TASP1: variants seen among roughly 807,000 people sequenced by gnomAD.
TASP1 encodes threonine aspartase 1.
In TASP1, 16 loss-of-function variants were observed where a neutral mutation model predicts 56.6. The observed-to-expected ratio is 0.28, with a 90% CI of 0.19 to 0.43. TASP1 has a LOEUF of 0.43. TASP1 is among the 20% of genes least tolerant of loss of function. The pLI, the probability that TASP1 is intolerant of heterozygous loss-of-function variation, is 1.00. For synonymous variants in TASP1, 179 were observed against 184.2 expected, an observed-to-expected ratio of 0.97 and a Z score of 0.23; for missense variants, 393 against 511.6, an observed-to-expected ratio of 0.77 and a Z score of 2.24.
At chr20:13,121,127 T>C in the TASP1 span, among the ~76,000 whole-genome samples, 1 of 152,298 alleles carries the variant, frequency 6.6e-6, no homozygotes. Context: ...CCCCAAACTT[T>C]TCCCCAGGCA....
intron 6 of TASP1, among the ~76,000 whole-genome samples, chr20:13,575,025 A>G (rs2046847688): frequency 6.6e-6 from 1 of 152,214 alleles, no homozygotes; most frequent in African/African-American, 2.4e-5. Flanking sequence ...CAAGAAAACT[A>G]TAAACCAGTA....
chr20:13,200,321 G>A, the TASP1 span, among the ~76,000 whole-genome samples: 3 of 152,202 alleles, frequency 2.0e-5, no homozygotes, highest in Admixed American at 6.5e-5. Context: ...AAAGGGACCT[G>A]TCCCTTTGAA....
intron 8 of TASP1, among the ~76,000 whole-genome samples, chr20:13,558,313 T>C (rs73268957): frequency 8.1e-4 from 123 of 152,326 alleles, no homozygotes; most frequent in African/African-American, 2.8e-3. Flanking sequence ...GTTGTAGTTT[T>C]CAATTTCTTT....
At chr20:13,237,212 T>G in the TASP1 span, among the ~76,000 whole-genome samples, 3 of 152,330 alleles carry the variant, frequency 2.0e-5, no homozygotes, top group South Asian at 6.2e-4. Flanking sequence ...CATATCAACA[T>G]GCCCTTGGCC....
chr20:13,493,392 C>G (rs1340885255), intron 10 of TASP1, among the ~76,000 whole-genome samples: 2 of 152,296 alleles, frequency 1.3e-5, no homozygotes, highest in Middle Eastern at 3.4e-3. Flanking sequence ...GCTGCCAGCA[C>G]AGCAAAGACA....
the TASP1 span, among the ~76,000 whole-genome samples, chr20:13,248,882 G>A: frequency 6.6e-6 from 1 of 152,208 alleles, no homozygotes; most frequent in Non-Finnish European, 1.5e-5. Flanking sequence ...GGGACAAATG[G>A]AAAGCAAGGT....
intron 4 of TASP1, among the ~76,000 whole-genome samples, chr20:13,587,776 CATGAGAAA>C (rs1601351488): frequency 6.6e-6 from 1 of 151,358 alleles, no homozygotes; most frequent in East Asian, 1.9e-4. Context: ...AACACCCTTT[CATGAGAAA>C]AACAGAAAAC....
chr20:13,393,086 G>T (rs1252458454), intron 13 of TASP1: 10 of 616,270 alleles, frequency 1.6e-5, no homozygotes, highest in Non-Finnish European at 2.7e-5. Context: ...TGAACCATGA[G>T]AAGTATGACA....
the TASP1 span, among the ~76,000 whole-genome samples, chr20:13,316,408 T>C: frequency 6.6e-6 from 1 of 151,832 alleles, no homozygotes; most frequent in African/African-American, 2.4e-5. Context: ...TTTCAGAAAA[T>C]AGAAGTAGAG....
chr20:13,163,509 A>T, the TASP1 span, among the ~76,000 whole-genome samples: 1 of 152,072 alleles, frequency 6.6e-6, no homozygotes, highest in Non-Finnish European at 1.5e-5. Context: ...TTCAGCAAAG[A>T]TTGCTAGAAA....
chr20:13,600,414 G>A (rs2047911666), intron 4 of TASP1: 1 of 152,120 alleles, frequency 6.6e-6, no homozygotes, highest in Non-Finnish European at 1.5e-5. Context: ...ATGGAATAGA[G>A]TTCAGAAATA....
At position 13,406,740 on chromosome 20, in the gene TASP1, C is replaced by T. The variant is rs112220296; in HGVS notation, c.1170+10708G>A. Among the ~76,000 whole-genome samples, 13 of 149,072 alleles carry T rather than the reference C, an allele frequency of 8.7e-5. 1 individual carries two copies. The highest frequency in any genetic ancestry group is 3.2e-4 in the African/African-American group (13 of 40,346). ...GGAGTGCAGTGGTGTGATCTCTGCT[C>T]ACTACAAGCTCTGCCTCCCAGGTTC... is the stretch of plus-strand genomic sequence containing the variant. On this transcript the variant is annotated intron_variant, in intron 13 of 13. Transcript: ENST00000337743.
chr20:13,126,856 A>T, the TASP1 span: 1 of 1,240,852 alleles, frequency 8.1e-7, no homozygotes, highest in Non-Finnish European at 1.1e-6. Context: ...AATGCACAAA[A>T]CTGCCGTTAG....
At chr20:13,138,416 T>C in the TASP1 span, among the ~76,000 whole-genome samples, 1 of 152,170 alleles carries the variant, frequency 6.6e-6, no homozygotes, top group Non-Finnish European at 1.5e-5. Flanking sequence ...ATGGCCCCAG[T>C]CAGAAAATTA....
At chr20:13,126,039 A>C in the TASP1 span, among the ~76,000 whole-genome samples, 1 of 151,714 alleles carries the variant, frequency 6.6e-6, no homozygotes, top group East Asian at 1.9e-4. Flanking sequence ...TTTCCCCCTT[A>C]ATTATCTTCA....
chr20:13,593,229 C>A (rs906415510), intron 4 of TASP1, among the ~76,000 whole-genome samples: 5 of 152,040 alleles, frequency 3.3e-5, no homozygotes, highest in African/African-American at 1.2e-4. Flanking sequence ...AAAAAAAAAT[C>A]ACCTTCCATT....
intron 11 of TASP1, among the ~76,000 whole-genome samples, chr20:13,438,450 A>T (rs974276300): frequency 4.6e-5 from 7 of 151,970 alleles, no homozygotes; most frequent in African/African-American, 9.7e-5. Flanking sequence ...CTGGCTAGCC[A>T]TATGTAGAAA....
chr20:13,195,466 G>C, the TASP1 span, among the ~76,000 whole-genome samples: 2 of 152,218 alleles, frequency 1.3e-5, no homozygotes, highest in Admixed American at 1.3e-4. Context: ...AGGCTAGCCT[G>C]TGAGTGACAG....
At chr20:13,481,094 C>T (rs2043125017) in intron 11 of TASP1, among the ~76,000 whole-genome samples, 1 of 152,016 alleles carries the variant, frequency 6.6e-6, no homozygotes, top group Admixed American at 6.6e-5. Flanking sequence ...TCCCCACCTC[C>T]CGCCAAGTCC....
Sources: allele counts gnomAD v4.1 joint callset (sites outside exome capture counted in the v4.1 genomes callset), GRCh38; gene constraint gnomAD v4.1.1; transcripts MANE v1.5; gene names NCBI Gene and HGNC (gene_info 2026-07-23, HGNC 2026-07-21).